LOC128092252: variants seen among roughly 807,000 people sequenced by gnomAD.
the LOC128092252 span, among the ~76,000 whole-genome samples, chr15:50,669,278 A>C: frequency 3.9e-5 from 6 of 152,060 alleles, no homozygotes; most frequent in Non-Finnish European, 8.8e-5. Flanking sequence ...TACTAAAAAT[A>C]CAAAAAATTA....
the LOC128092252 span, among the ~76,000 whole-genome samples, chr15:50,664,628 A>T: frequency 1.3e-5 from 2 of 152,206 alleles, no homozygotes; most frequent in African/African-American, 4.8e-5. Context: ...GGCTCACAGA[A>T]GATTAACACA....
the LOC128092252 span, among the ~76,000 whole-genome samples, chr15:50,655,441 AAAAAAACAAAAAAAC>A: frequency 6.7e-6 from 1 of 149,074 alleles, no homozygotes; most frequent in Admixed American, 6.9e-5. Flanking sequence ...TCAAAGGAAA[AAAAAAACAAAAAAAC>A]AAAAAACCTT....
the LOC128092252 span, among the ~76,000 whole-genome samples, chr15:50,672,014 T>G: frequency 6.6e-6 from 1 of 152,214 alleles, no homozygotes; most frequent in Non-Finnish European, 1.5e-5. Flanking sequence ...AGACTACGCT[T>G]TTTATGGTTA....
the LOC128092252 span, among the ~76,000 whole-genome samples, chr15:50,670,312 G>A: frequency 6.6e-6 from 1 of 152,096 alleles, no homozygotes; most frequent in Non-Finnish European, 1.5e-5. Context: ...ATAAGGCTGA[G>A]ACCTGCTGGG....
At chr15:50,657,657 G>C in the LOC128092252 span, 1 of 813,832 alleles carries the variant, frequency 1.2e-6, no homozygotes, top group South Asian at 2.0e-5. Context: ...TCCAAGTCTA[G>C]GTAAAGTACC....
the LOC128092252 span, among the ~76,000 whole-genome samples, chr15:50,654,345 G>C: frequency 6.6e-6 from 1 of 151,276 alleles, no homozygotes; most frequent in Non-Finnish European, 1.5e-5. Context: ...TACTCGGGAG[G>C]CTAAGGCAGG....
chr15:50,686,441 C>T, the LOC128092252 span: 7 of 1,605,040 alleles, frequency 4.4e-6, no homozygotes, highest in South Asian at 5.5e-5. Context: ...GCATGGAACG[C>T]GGCTCCCCAC....
At chr15:50,668,410 T>C in the LOC128092252 span, among the ~76,000 whole-genome samples, 4 of 152,226 alleles carry the variant, frequency 2.6e-5, no homozygotes, top group Non-Finnish European at 5.9e-5. Flanking sequence ...AGTATACTCC[T>C]GTGGACAAAA....
chr15:50,655,000 C>CAAAAAAAAAAAAAAAA, the LOC128092252 span, among the ~76,000 whole-genome samples: 1 of 69,448 alleles, frequency 1.4e-5, no homozygotes, highest in Non-Finnish European at 2.7e-5. Flanking sequence ...CACTCCGTCT[C>CAAAAAAAAAAAAAAAA]AAAAAAAAAA....
At chr15:50,686,532 A>G in the LOC128092252 span, 2 of 1,611,416 alleles carry the variant, frequency 1.2e-6, no homozygotes, top group Non-Finnish European at 1.7e-6. Flanking sequence ...GTCCAGTACC[A>G]TTCTCCTCAC....
the LOC128092252 span, among the ~76,000 whole-genome samples, chr15:50,655,882 G>A: frequency 6.6e-6 from 1 of 151,600 alleles, no homozygotes; most frequent in Admixed American, 6.6e-5. Flanking sequence ...CCCAGCTTCT[G>A]GGGAGGCTGA....
chr15:50,673,717 T>C, the LOC128092252 span, among the ~76,000 whole-genome samples: 1 of 152,208 alleles, frequency 6.6e-6, no homozygotes, highest in Non-Finnish European at 1.5e-5. Flanking sequence ...TTTGCAATTA[T>C]GAATTACGCT....
chr15:50,673,226 C>T, the LOC128092252 span, among the ~76,000 whole-genome samples: 1 of 152,170 alleles, frequency 6.6e-6, no homozygotes, highest in East Asian at 1.9e-4. Flanking sequence ...AAGCTCCATT[C>T]ACAGTAAATG....
the LOC128092252 span, among the ~76,000 whole-genome samples, chr15:50,671,803 C>T: frequency 1.3e-5 from 2 of 150,262 alleles, no homozygotes; most frequent in African/African-American, 2.4e-5. Flanking sequence ...GAACTTGTCT[C>T]GAAAAAAAAA....
chr15:50,683,459 G>C, the LOC128092252 span, among the ~76,000 whole-genome samples: 1 of 152,082 alleles, frequency 6.6e-6, no homozygotes, highest in Non-Finnish European at 1.5e-5. Context: ...AAGAAGCCAG[G>C]GTCAGTGGCT....
chr15:50,668,870 G>A, the LOC128092252 span, among the ~76,000 whole-genome samples: 2 of 152,158 alleles, frequency 1.3e-5, no homozygotes, highest in African/African-American at 4.8e-5. Context: ...GACACAATTG[G>A]AGAAACTGGT....
the LOC128092252 span, among the ~76,000 whole-genome samples, chr15:50,678,971 T>G: frequency 6.6e-6 from 1 of 152,172 alleles, no homozygotes; most frequent in South Asian, 2.1e-4. Flanking sequence ...CCTCCTGGGT[T>G]CAAGAGATTC....
the LOC128092252 span, among the ~76,000 whole-genome samples, chr15:50,677,381 G>A: frequency 2.6e-5 from 4 of 151,946 alleles, no homozygotes; most frequent in Non-Finnish European, 5.9e-5. Context: ...CTCGGGGAGC[G>A]AGGGAGATCA....
At chr15:50,660,216 T>A in the LOC128092252 span, among the ~76,000 whole-genome samples, 1 of 152,088 alleles carries the variant, frequency 6.6e-6, no homozygotes, top group African/African-American at 2.4e-5. Flanking sequence ...GGAAGAGATG[T>A]TAAGGTTATC....
Sources: allele counts gnomAD v4.1 joint callset (sites outside exome capture counted in the v4.1 genomes callset), GRCh38; gene constraint gnomAD v4.1.1; transcripts MANE v1.5.